The following SIPA1L2 variants were observed in gnomAD, a reference collection of about 807,000 sequenced individuals.
SIPA1L2 encodes signal induced proliferation associated 1 like 2, also known as signal-induced proliferation-associated 1-like protein 2.
In SIPA1L2, 56 loss-of-function variants were observed where a neutral mutation model predicts 163.9. The observed-to-expected ratio is 0.34, with a 90% CI of 0.28 to 0.43. The LOEUF (loss-of-function observed/expected upper bound fraction) is 0.43. Ranked by LOEUF, SIPA1L2 falls within the 20% of genes least tolerant of loss-of-function variation. The pLI, the probability that SIPA1L2 is intolerant of heterozygous loss-of-function variation, is 1.00. For synonymous variants in SIPA1L2, 877 were observed against 865.7 expected, an observed-to-expected ratio of 1.01 and a Z score of -0.23; for missense variants, 1,974 against 2,193.5, an observed-to-expected ratio of 0.90 and a Z score of 2.00.
intron 2 of SIPA1L2, among the ~76,000 whole-genome samples, chr1:232,517,886 G>GT (rs1053844749): frequency 6.7e-4 from 101 of 150,824 alleles, no homozygotes; most frequent in African/African-American, 2.1e-3. Flanking sequence ...ACAAAAACCT[G>GT]TTTTTTTTTA....
At chr1:232,615,462 C>A (rs996980199) in intron 1 of SIPA1L2, among the ~76,000 whole-genome samples, 1 of 152,216 alleles carries the variant, frequency 6.6e-6, no homozygotes, top group African/African-American at 2.4e-5. Flanking sequence ...TATGAGATGG[C>A]CCCTGGACTC....
At chr1:232,614,704 A>T (rs1205181456) in intron 1 of SIPA1L2, among the ~76,000 whole-genome samples, 1 of 152,260 alleles carries the variant, frequency 6.6e-6, no homozygotes, top group East Asian at 1.9e-4. Context: ...GCAGCATTCA[A>T]AAGGAAAGGA....
chr1:232,415,554 G>A lies in SIPA1L2; in HGVS notation c.4702C>T (p.Pro1568Ser), dbSNP rs202124136. Reference sequence around the variant, plus strand: ...CAATCTAACCCTGTGGCTGTGTCCGGGAGGGGCATCAGGCCAGGATCTGCG... The same window carrying A: ...CAATCTAACCCTGTGGCTGTGTCCGAGAGGGGCATCAGGCCAGGATCTGCG... ...KCADPGLMPLPDTATGLDWTH... is the reference protein window; with the variant it reads ...KCADPGLMPLSDTATGLDWTH... Residue 1568 changes from proline (P) to serine (S), a missense_variant, in exon 19 of 23, where the codon CCG (proline) becomes TCG (serine). Physicochemically the swap from Pro to Ser is moderately conservative, Grantham distance 74. Transcript: ENST00000674635. 1.4e-5 allele frequency: 23 copies of A among 1,613,868 alleles called. No homozygotes were observed. The highest frequency in any genetic ancestry group is 1.9e-5 in the Non-Finnish European group (23 of 1,179,890).
Position 232,479,686 on chromosome 1 carries a change from A to T in SIPA1L2, c.2026T>A (p.Tyr676Asn). Residue 676 changes from tyrosine (Y) to asparagine (N), a missense_variant, in exon 7 of 23, where the codon TAC becomes AAC. Around this residue, in one of 3 missense-constraint regions of SIPA1L2, gnomAD observed 288 missense variants for 418.9 expected, o/e 0.69. Coordinates refer to ENST00000674635, the MANE Select transcript of SIPA1L2 (RefSeq NM_020808.5). ...GTTGACACGTGGAACATGAGTTCGT[A>T]GTCTTTGTATGTGGTATAGAGAGAG... Reference protein sequence around the residue: ...THSLYTTYKDYELMFHVSTLL... With the variant: ...THSLYTTYKDNELMFHVSTLL... 6.2e-7 allele frequency: 1 copy of T among 1,613,846 alleles called. No individual in the cohort carries two copies. The highest frequency in any genetic ancestry group is 8.5e-7 in the Non-Finnish European group (1 of 1,179,804).
intron 3 of SIPA1L2, among the ~76,000 whole-genome samples, chr1:232,502,133 T>C (rs779534303): frequency 3.9e-5 from 6 of 152,224 alleles, no homozygotes; most frequent in Non-Finnish European, 8.8e-5. Flanking sequence ...CTTTGATACT[T>C]ATCACGTGCT....
At position 232,460,969 on chromosome 1, in the gene SIPA1L2, C is replaced by T; in HGVS notation, c.3013G>A (p.Glu1005Lys). Residue 1005 changes from glutamate to lysine, a missense_variant, in exon 10 of 23, where the codon GAG (glutamate) becomes AAG (lysine). Physicochemically the swap from Glu to Lys is moderately conservative, Grantham distance 56. This residue lies in a region of SIPA1L2 where 1,079 missense variants were observed against 1,150.7 expected (regional missense o/e 0.94). Coordinates refer to ENST00000674635, the MANE Select transcript of SIPA1L2 (RefSeq NM_020808.5). ...CKVAVATLTH[E>K]QMIDLLRTSV... ...GTACGGAGCAGGTCGATCATCTGCTCGTGGGTCAGAGTGGCCACGGCTACT... is the reference window on the plus strand; with the variant it reads ...GTACGGAGCAGGTCGATCATCTGCTTGTGGGTCAGAGTGGCCACGGCTACT... 4.3e-6 allele frequency: 7 copies of T among 1,614,238 alleles called. No individual in the cohort carries two copies. The highest frequency in any genetic ancestry group is 2.2e-5 in the East Asian group (1 of 44,880).
At chr1:232,577,361 C>T (rs1208495164) in intron 1 of SIPA1L2, among the ~76,000 whole-genome samples, 1 of 152,134 alleles carries the variant, frequency 6.6e-6, no homozygotes, top group Non-Finnish European at 1.5e-5. Context: ...TCTGGTTATC[C>T]GAGACCTCTG....
At position 232,464,853 on chromosome 1, in the gene SIPA1L2, A is replaced by G. The variant is rs1295237846; in HGVS notation, c.2807T>C (p.Val936Ala). Residue 936 changes from valine (V) to alanine (A), a missense_variant, in exon 9 of 23, where the codon GTT becomes GCT. Val to Ala is a moderately conservative substitution (Grantham distance 64). Transcript: ENST00000674635. Reference protein sequence around the residue: ...DNCAEDIREIVQRLVIVTRGC... With the variant: ...DNCAEDIREIAQRLVIVTRGC... ...ACATGTACTTACTACTAATCGCTGA[A>G]CAATTTCCCTGATGTCTTCAGCACA... 1.2e-6 allele frequency: 2 copies of G among 1,601,128 alleles called. No homozygotes were observed. Among genetic ancestry groups the G allele is most frequent in the Admixed American group, 1.7e-5 (1 of 58,110 alleles).
chr1:232,606,142 A>C (rs1416815836), intron 1 of SIPA1L2, among the ~76,000 whole-genome samples: 1 of 152,272 alleles, frequency 6.6e-6, no homozygotes, highest in Non-Finnish European at 1.5e-5. Context: ...AATTGACTTC[A>C]GAGTTGCTAT....
chr1:232,483,785 A>G lies in SIPA1L2; in HGVS notation c.1981+7T>C. On this transcript the variant is annotated splice_region_variant and intron_variant, in intron 6 of 22. Transcript: ENST00000674635. ...AAAATGTGCACACACACAAACATTA[A>G]ACTTACTCTTATTGTCTAGCTGAGC... 6.2e-7 allele frequency: 1 copy of G among 1,613,716 alleles called. No homozygotes were observed. Among genetic ancestry groups the G allele is most frequent in the South Asian group, 1.1e-5 (1 of 91,032 alleles).
chr1:232,432,649 G>A (rs565865605), intron 15 of SIPA1L2, among the ~76,000 whole-genome samples, 178 bp from the exon 16 acceptor site: 55 of 152,308 alleles, frequency 3.6e-4, no homozygotes, highest in African/African-American at 1.3e-3. Context: ...CTCATTTTAC[G>A]TAGGCTAAGG....
At chr1:232,599,356 T>C (rs1044905388) in intron 1 of SIPA1L2, among the ~76,000 whole-genome samples, 1 of 152,210 alleles carries the variant, frequency 6.6e-6, no homozygotes, top group African/African-American at 2.4e-5. Context: ...ATTCCCCCAC[T>C]GTAAGTATAC....
chr1:232,483,329 G>C (rs1210750038), intron 6 of SIPA1L2, among the ~76,000 whole-genome samples: 1 of 151,336 alleles, frequency 6.6e-6, no homozygotes, highest in East Asian at 1.9e-4. Flanking sequence ...AGATGCATTC[G>C]CTTTTTAATC....
intron 6 of SIPA1L2, among the ~76,000 whole-genome samples, chr1:232,483,249 C>CT (rs67543177): frequency 0.016 from 2,237 of 144,266 alleles, 37 homozygotes; most frequent in African/African-American, 0.042. Context: ...GATGCATCAG[C>CT]TTTTTTTTTT....
intron 9 of SIPA1L2, among the ~76,000 whole-genome samples, chr1:232,464,244 A>G (rs1664394499): frequency 6.6e-6 from 1 of 152,218 alleles, no homozygotes; most frequent in African/African-American, 2.4e-5. Context: ...ACTACTGAAC[A>G]CCATGGATAA....
intron 2 of SIPA1L2, among the ~76,000 whole-genome samples, chr1:232,521,301 T>A (rs1304007421): frequency 6.6e-6 from 1 of 152,228 alleles, no homozygotes; most frequent in African/African-American, 2.4e-5. Context: ...TTGGAGGAAT[T>A]TCTCAAGTGA....
chr1:232,481,470 G>C (rs1006170500), intron 6 of SIPA1L2, among the ~76,000 whole-genome samples: 1 of 87,888 alleles, frequency 1.1e-5, no homozygotes, highest in African/African-American at 3.9e-5. Flanking sequence ...ATGCATTGCG[G>C]GGGGGAAAAG....
At chr1:232,533,936 G>GTT (rs1263538122) in intron 2 of SIPA1L2, among the ~76,000 whole-genome samples, 1 of 151,882 alleles carries the variant, frequency 6.6e-6, no homozygotes, top group Non-Finnish European at 1.5e-5. Context: ...AATTGAAAAC[G>GTT]TAATACTTTT....
chr1:232,421,313 C>T (rs564013345), intron 18 of SIPA1L2, among the ~76,000 whole-genome samples: 2 of 152,224 alleles, frequency 1.3e-5, no homozygotes, highest in African/African-American at 4.8e-5. Flanking sequence ...CTCTGGCTTG[C>T]GCACCTGCTC....
Sources: allele counts gnomAD v4.1 joint callset (sites outside exome capture counted in the v4.1 genomes callset), GRCh38; gene constraint gnomAD v4.1.1; regional missense constraint gnomAD v4.1.1; transcripts MANE v1.5; gene names NCBI Gene and HGNC (gene_info 2026-07-23, HGNC 2026-07-21).